Variants in RNF168 observed in about 807,000 individuals in gnomAD.
RNF168 encodes ring finger protein 168.
A neutral mutation model predicts 34.9 loss-of-function variants in RNF168; 34 were observed. The observed-to-expected ratio is 0.97, with a 90% CI of 0.74 to 1.30. The LOEUF (loss-of-function observed/expected upper bound fraction) is 1.30. Ranked by LOEUF, RNF168 falls within the 50% of genes most tolerant of loss-of-function variation. RNF168 has a pLI of 0.00. For missense variants in RNF168, 725 were observed against 682.5 expected (o/e 1.06, Z -0.69); for synonymous variants, 264 against 254.7 (o/e 1.04, Z -0.35).
intron 4 of RNF168, chr3:196,475,534 C>CA: frequency 2.3e-6 from 1 of 438,924 alleles, no homozygotes; most frequent in Non-Finnish European, 4.2e-6. Flanking sequence ...AAGTAAAAGT[C>CA]AAATCTAAAT....
chr3:196,476,560 C>T (rs1243294864), intron 4 of RNF168, among the ~76,000 whole-genome samples: 2 of 151,712 alleles, frequency 1.3e-5, no homozygotes, highest in African/African-American at 2.4e-5. Flanking sequence ...GGATTACAGG[C>T]ATGTGCCACC....
intron 4 of RNF168, among the ~76,000 whole-genome samples, chr3:196,479,208 T>A (rs1029072375): frequency 1.4e-5 from 2 of 142,992 alleles, no homozygotes; most frequent in African/African-American, 5.2e-5. Flanking sequence ...AGATGGGGTT[T>A]CGCCATGTTG....
rs945315715 is a variant in RNF168, at chr3:196,470,081, C to G, written c.*1738G>C. The G allele has an allele frequency of 2.6e-5, 4 of 152,290 alleles. No individual in the cohort carries two copies. Among genetic ancestry groups the G allele is most frequent in the Admixed American group, 2.6e-4 (4 of 15,272 alleles). 9.4% of individuals were successfully genotyped at this position (152,290 alleles called of 1,614,324 possible). ...GATCCAGACTGTCAGTCACCCCATCCAGCCTCATCCTCATCTGGACCCATT... is the reference window on the plus strand; with the variant it reads ...GATCCAGACTGTCAGTCACCCCATCGAGCCTCATCCTCATCTGGACCCATT... On this transcript the variant is annotated 3_prime_UTR_variant, in exon 6 of 6. Transcript: ENST00000318037.
At chr3:196,489,888 A>G (rs186221411) in intron 1 of RNF168, among the ~76,000 whole-genome samples, 2 of 152,328 alleles carry the variant, frequency 1.3e-5, no homozygotes, top group Admixed American at 1.3e-4. Context: ...CTCCCTGGAT[A>G]TGGGTGCAGG....
At chr3:196,482,759 A>G (rs1732327729) in intron 4 of RNF168, among the ~76,000 whole-genome samples, 1 of 152,118 alleles carries the variant, frequency 6.6e-6, no homozygotes, top group Non-Finnish European at 1.5e-5. Context: ...AAAAATGTCT[A>G]CTCAAGTCCC....
Position 196,472,652 on chromosome 3 carries a change from CTA to C in RNF168, c.881_882del (p.Ile294ArgfsTer17). On this transcript the variant is annotated frameshift_variant, in exon 6 of 6. Transcript: ENST00000318037. LOFTEE classifies it low-confidence loss of function (END_TRUNC). ...GVGEQGADSS[I>X]ESPMPWLCAC... ...GCACATAACCATGGCATAGGGGACT[CTA>C]TTGAAGAATCTGCACCTTGTTCTCC... 1.2e-6 allele frequency: 2 copies of C among 1,609,296 alleles called. No homozygotes were observed. The highest frequency in any genetic ancestry group is 1.7e-6 in the Non-Finnish European group (2 of 1,175,986).
chr3:196,477,460 A>G (rs368457030), intron 4 of RNF168, among the ~76,000 whole-genome samples: 3 of 152,250 alleles, frequency 2.0e-5, no homozygotes, highest in East Asian at 3.8e-4. Flanking sequence ...TGGGCAAACA[A>G]GAGTACCTAA....
At chr3:196,498,093 C>G (rs1289520617) in intron 1 of RNF168, among the ~76,000 whole-genome samples, 1 of 152,162 alleles carries the variant, frequency 6.6e-6, no homozygotes, top group Non-Finnish European at 1.5e-5. Context: ...GTACGGCAAC[C>G]AGAACCTGTA....
chr3:196,481,483 A>G (rs940813942), intron 4 of RNF168, among the ~76,000 whole-genome samples: 14 of 152,036 alleles, frequency 9.2e-5, no homozygotes, highest in African/African-American at 3.4e-4. Flanking sequence ...ACTATGAAGT[A>G]TGATATGTGA....
chr3:196,472,144 G>C lies in RNF168; in HGVS notation c.1391C>G (p.Pro464Arg), dbSNP rs1241041007. The C allele has an allele frequency of 1.2e-6, 2 of 1,613,774 alleles. No homozygotes were observed. Among genetic ancestry groups the C allele is most frequent in the East Asian group, 4.5e-5 (2 of 44,882 alleles). ...QKEVDKEQMV[P>R]NRQKGSPDEY... ...ATCTGGGGATCCTTTTTGCCGGTTT[G>C]GCACCATTTGCTCTTTATCCACCTC... is the stretch of plus-strand genomic sequence containing the variant. The change falls in exon 6 of 6, where the codon CCA becomes CGA. Residue 464 changes from proline to arginine, a missense_variant. Pro to Arg is a moderately radical substitution (Grantham distance 103). Transcript: ENST00000318037.
chr3:196,485,325 T>G (rs560573524), intron 3 of RNF168, among the ~76,000 whole-genome samples: 119 of 152,178 alleles, frequency 7.8e-4, no homozygotes, highest in African/African-American at 2.9e-3. Context: ...CTGGCCAACA[T>G]GGTGAAACCC....
Position 196,471,312 on chromosome 3 carries a change from A to C in RNF168, c.*507T>G, listed in dbSNP as rs1396540811. ...AAAAACAAACACCAAAGGAAATGCTACAATGCTGAAAATTGAATTAAATTG... is the reference window on the plus strand; with the variant it reads ...AAAAACAAACACCAAAGGAAATGCTCCAATGCTGAAAATTGAATTAAATTG... On this transcript the variant is annotated 3_prime_UTR_variant, in exon 6 of 6. Coordinates refer to ENST00000318037, the MANE Select transcript of RNF168 (RefSeq NM_152617.4). The C allele has an allele frequency of 1.3e-5, 2 of 151,670 alleles. No homozygotes were observed. The highest frequency in any genetic ancestry group is 4.8e-5 in the African/African-American group (2 of 41,340). 9.4% of individuals were successfully genotyped at this position (151,670 alleles called of 1,614,324 possible). A position where few individuals can be genotyped will look rare whatever the true frequency, so the allele number is the denominator to read the frequency against.
At chr3:196,497,912 T>C (rs1477249718) in intron 1 of RNF168, among the ~76,000 whole-genome samples, 1 of 152,048 alleles carries the variant, frequency 6.6e-6, no homozygotes, top group East Asian at 1.9e-4. Context: ...GGAAAAAGAA[T>C]TAAACAGACA....
At chr3:196,500,901 G>C (rs111775922) in intron 1 of RNF168, among the ~76,000 whole-genome samples, 6,880 of 146,438 alleles carry the variant, frequency 0.047, 218 homozygotes, top group Middle Eastern at 0.15. Flanking sequence ...TTAGTAGAGA[G>C]GGGGTTTCAC....
intron 3 of RNF168, among the ~76,000 whole-genome samples, chr3:196,484,348 T>C (rs9681103): frequency 0.19 from 28,981 of 150,636 alleles, 2,949 homozygotes; most frequent in Middle Eastern, 0.26. Context: ...ATTTTTTGTA[T>C]TTTTTTTAGT....
intron 4 of RNF168, among the ~76,000 whole-genome samples, chr3:196,478,678 T>G (rs1732211039): frequency 6.6e-6 from 1 of 151,002 alleles, no homozygotes; most frequent in Non-Finnish European, 1.5e-5. Context: ...GTTATTTTAT[T>G]TTTTGGGGGA....
intron 1 of RNF168, among the ~76,000 whole-genome samples, chr3:196,494,175 T>C (rs557763191): frequency 1.3e-5 from 2 of 152,178 alleles, no homozygotes; most frequent in Non-Finnish European, 2.9e-5. Flanking sequence ...ACAACTCTAA[T>C]TTTATAAGAA....
chr3:196,475,922 C>T (rs1327313841), intron 4 of RNF168, among the ~76,000 whole-genome samples: 1 of 144,712 alleles, frequency 6.9e-6, no homozygotes. Flanking sequence ...TGCAGTGGCG[C>T]GATCTCAGCT....
At position 196,499,597 on chromosome 3, in the gene RNF168, T is replaced by C. The variant is rs1352665795; in HGVS notation, c.301+3276A>G. On this transcript the variant is annotated intron_variant, in intron 1 of 5. Coordinates refer to ENST00000318037, the MANE Select transcript of RNF168 (RefSeq NM_152617.4). ...CAGCACTTTTGGAGGCCAAGACAGG[T>C]GGATCACGAGGTCAAGAGATTGAGA... Among the ~76,000 whole-genome samples the C allele has an allele frequency of 2.0e-5, 3 of 152,072 alleles. No homozygotes were observed. The East Asian group carries it at 5.8e-4, about 29-fold the overall frequency.
Sources: allele counts gnomAD v4.1 joint callset (sites outside exome capture counted in the v4.1 genomes callset), GRCh38; gene constraint gnomAD v4.1.1; transcripts MANE v1.5; gene names NCBI Gene and HGNC (gene_info 2026-07-23, HGNC 2026-07-21).